MTMR12: variants seen among roughly 807,000 people sequenced by gnomAD.
MTMR12 encodes myotubularin-related protein 12.
A neutral mutation model predicts 96.7 loss-of-function variants in MTMR12; 33 were observed. The observed-to-expected ratio is 0.34, with a 90% CI of 0.26 to 0.46. The LOEUF (loss-of-function observed/expected upper bound fraction) is 0.46, where lower values mean the gene tolerates loss of function less well. Ranked by LOEUF, MTMR12 falls within the 20% of genes least tolerant of loss-of-function variation. The pLI, the probability that MTMR12 is intolerant of heterozygous loss-of-function variation, is 1.00. For missense variants in MTMR12, 721 were observed against 896.1 expected (o/e 0.80, Z 2.49); for synonymous variants, 298 against 327.2 (o/e 0.91, Z 0.96).
intron 8 of MTMR12, among the ~76,000 whole-genome samples, chr5:32,249,592 T>C (rs1283695777): frequency 6.6e-6 from 1 of 152,192 alleles, no homozygotes; most frequent in Non-Finnish European, 1.5e-5. Context: ...AGGTAGAATG[T>C]ATTATATAAC....
intron 10 of MTMR12, chr5:32,247,748 T>C: frequency 1.0e-6 from 1 of 985,378 alleles, no homozygotes; most frequent in South Asian, 4.7e-5. Context: ...GCAAATGGTA[T>C]GCTGAGGAAG....
At chr5:32,235,421 A>C (rs1440815735) in intron 13 of MTMR12, among the ~76,000 whole-genome samples, 4 of 152,280 alleles carry the variant, frequency 2.6e-5, no homozygotes, top group Non-Finnish European at 5.9e-5. Context: ...TGATAATAGA[A>C]AACACTAACT....
At chr5:32,303,448 T>G (rs143319186) in intron 1 of MTMR12, among the ~76,000 whole-genome samples, 4 of 152,254 alleles carry the variant, frequency 2.6e-5, no homozygotes, top group African/African-American at 9.6e-5. Context: ...ACCTCCCCTA[T>G]TCCTCCTCCC....
rs1225894930 is a variant in MTMR12, at chr5:32,277,736, G to A, written c.82-994C>T. On this transcript the variant is annotated intron_variant, in intron 1 of 15. Coordinates refer to ENST00000382142, the MANE Select transcript of MTMR12 (RefSeq NM_001040446.3). ...AAGAAAGAAAGAAAAGAGACAACAC[G>A]CCACAGCATGATCCCCTCTCCTTCC... Among the ~76,000 whole-genome samples the A allele has an allele frequency of 3.3e-5, 5 of 151,972 alleles. No homozygotes were observed. In the East Asian group the frequency reaches 5.8e-4, roughly 18 times the overall value.
chr5:32,277,696 C>CA (rs757642747), intron 1 of MTMR12, among the ~76,000 whole-genome samples: 380 of 134,334 alleles, frequency 2.8e-3, no homozygotes, highest in African/African-American at 0.011. Context: ...GACTCTGTCT[C>CA]AAAAAAAAAA....
rs1291759258 is a variant in MTMR12, at chr5:32,236,251, T to C, written c.1345-1122A>G. Among the ~76,000 whole-genome samples, 5 of 152,150 alleles carry C rather than the reference T, an allele frequency of 3.3e-5. No homozygotes were observed. The East Asian group carries it at 7.7e-4, about 23-fold the overall frequency. ...CCTGCCAGTCCCCCTTTTCTCAAGA[T>C]ATACAAAAACATATGGGTAGGCGCA... On this transcript the variant is annotated intron_variant, in intron 13 of 15. Coordinates refer to ENST00000382142, the MANE Select transcript of MTMR12 (RefSeq NM_001040446.3).
intron 1 of MTMR12, among the ~76,000 whole-genome samples, chr5:32,311,585 G>T (rs1751598598): frequency 1.3e-5 from 2 of 152,150 alleles, no homozygotes; most frequent in African/African-American, 4.8e-5. Context: ...TGGAGAGAAG[G>T]GCAGAAAAAA....
chr5:32,246,593 T>G (rs1255469506), intron 10 of MTMR12, among the ~76,000 whole-genome samples: 2 of 152,232 alleles, frequency 1.3e-5, no homozygotes, highest in Non-Finnish European at 2.9e-5. Context: ...ATTAATTTTT[T>G]CCTCGCAAAT....
chr5:32,304,898 AG>A, intron 1 of MTMR12, among the ~76,000 whole-genome samples: 1 of 152,312 alleles, frequency 6.6e-6, no homozygotes, highest in South Asian at 2.1e-4. Flanking sequence ...GAGAAAAAGC[AG>A]AAGCTTTGGA....
In MTMR12 at chr5:32,227,346, T is replaced by C. The variant is rs1747773709; in HGVS notation, c.*2432A>G. ...CCAATCTCAGATAAAAATTTCACAATATATAAATCCATTGAGAATTCTGTA... is the reference window on the plus strand; with the variant it reads ...CCAATCTCAGATAAAAATTTCACAACATATAAATCCATTGAGAATTCTGTA... On this transcript the variant is annotated 3_prime_UTR_variant, in exon 16 of 16. Coordinates refer to ENST00000382142, the MANE Select transcript of MTMR12 (RefSeq NM_001040446.3). The C allele has an allele frequency of 6.6e-6, 1 of 152,630 alleles. No homozygotes were observed. The highest frequency in any genetic ancestry group is 1.5e-5 in the Non-Finnish European group (1 of 68,036). 9.5% of individuals were successfully genotyped at this position (152,630 alleles called of 1,614,324 possible). A position where few individuals can be genotyped will look rare whatever the true frequency, so the allele number is the denominator to read the frequency against.
In MTMR12 at chr5:32,248,804, G is replaced by T. The variant is rs1170857657; in HGVS notation, c.864C>A (p.Gly288=). The change falls in exon 9 of 16, where the codon GGC becomes GGA. Residue 288 remains glycine, a synonymous_variant. Coordinates refer to ENST00000382142, the MANE Select transcript of MTMR12 (RefSeq NM_001040446.3). ...MSALPKEQDD[G]ILQIQKSFLD... ...AGAAGCTCTTTTGGATTTGTAAAAT[G>T]CCGTCATCCTGTTCTTTGGGCAGTG... 6.2e-7 allele frequency: 1 copy of T among 1,614,104 alleles called. No individual in the cohort carries two copies. Among genetic ancestry groups the T allele is most frequent in the Admixed American group, 1.7e-5 (1 of 60,028 alleles).
At chr5:32,311,699 C>T (rs189027541) in intron 1 of MTMR12, among the ~76,000 whole-genome samples, 2 of 152,328 alleles carry the variant, frequency 1.3e-5, no homozygotes, top group Admixed American at 1.3e-4. Flanking sequence ...ATCTCTCTAA[C>T]CTCCTCTCCT....
intron 11 of MTMR12, among the ~76,000 whole-genome samples, chr5:32,242,509 G>A (rs777996448): frequency 6.6e-6 from 1 of 152,178 alleles, no homozygotes; most frequent in Non-Finnish European, 1.5e-5. Flanking sequence ...CCTGCTGAAT[G>A]TATCAGAATG....
At chr5:32,253,821 G>A (rs961510594) in intron 8 of MTMR12, among the ~76,000 whole-genome samples, 4 of 152,158 alleles carry the variant, frequency 2.6e-5, no homozygotes, top group East Asian at 3.8e-4. Flanking sequence ...ATGGAGTCTC[G>A]CTTTGTCGCC....
intron 8 of MTMR12, among the ~76,000 whole-genome samples, chr5:32,249,753 GTT>G (rs1748843060): frequency 6.6e-6 from 1 of 152,162 alleles, no homozygotes; most frequent in African/African-American, 2.4e-5. Context: ...ACAGTGGGGG[GTT>G]TTGTTTGTTT....
At chr5:32,260,826 A>C (rs1342861590) in intron 7 of MTMR12, among the ~76,000 whole-genome samples, 1 of 151,730 alleles carries the variant, frequency 6.6e-6, no homozygotes, top group East Asian at 2.0e-4. Flanking sequence ...CCATGATACA[A>C]AGAGCTCTAC....
intron 7 of MTMR12, among the ~76,000 whole-genome samples, chr5:32,258,904 A>C (rs1010898968): frequency 1.9e-5 from 1 of 51,692 alleles, no homozygotes; most frequent in Admixed American, 1.8e-4. Flanking sequence ...GTCTTTCACA[A>C]AAAAAAAAAA....
chr5:32,242,511 A>G (rs1043244900), intron 11 of MTMR12, among the ~76,000 whole-genome samples: 6 of 152,164 alleles, frequency 3.9e-5, no homozygotes, highest in African/African-American at 1.4e-4. Flanking sequence ...TGCTGAATGT[A>G]TCAGAATGGC....
At chr5:32,286,684 T>C (rs542135921) in intron 1 of MTMR12, among the ~76,000 whole-genome samples, 5 of 152,342 alleles carry the variant, frequency 3.3e-5, no homozygotes, top group African/African-American at 1.2e-4. Context: ...TATTATTGTT[T>C]CATTTTAGAG....
Sources: gnomAD v4.1 joint callset for allele counts (sites outside exome capture counted in the v4.1 genomes callset) on GRCh38, gnomAD v4.1.1 for gene constraint, MANE v1.5 for transcripts, NCBI Gene and HGNC (gene_info 2026-07-23, HGNC 2026-07-21) for gene names.